ZMYND11: variants seen among roughly 807,000 people sequenced by gnomAD.
The protein encoded by ZMYND11 is zinc finger MYND-type containing 11, also known as zinc finger MYND domain-containing protein 11.
ZMYND11 carries 9 observed loss-of-function variants against 84.9 expected under a neutral mutation model. That is an observed-to-expected ratio of 0.11 (90% CI 0.06 to 0.18). The LOEUF (loss-of-function observed/expected upper bound fraction) is 0.18, where lower values mean the gene tolerates loss of function less well. Among genes scored for constraint, ZMYND11 ranks in the 10% least tolerant of loss-of-function variants. ZMYND11 has a pLI of 1.00. For synonymous variants in ZMYND11, 250 were observed against 244.1 expected, an observed-to-expected ratio of 1.02 and a Z score of -0.23; for missense variants, 409 against 761.0, an observed-to-expected ratio of 0.54 and a Z score of 5.44.
intron 1 of ZMYND11, among the ~76,000 whole-genome samples, chr10:152,454 C>G (rs1554757348): frequency 6.6e-6 from 1 of 152,098 alleles, no homozygotes. Flanking sequence ...CAACAAAAAT[C>G]AAAAGAGACA....
chr10:252,262 G>A lies in ZMYND11; in HGVS notation c.1687-86G>A, dbSNP rs956184194. Reference sequence around the variant, plus strand: ...GTTGAGCCAGAAAGATCTTTTAAAAGCACCACCTCAAGAGTTTGCCATTTT... The same window carrying A: ...GTTGAGCCAGAAAGATCTTTTAAAAACACCACCTCAAGAGTTTGCCATTTT... On this transcript the variant is annotated intron_variant, in intron 14 of 14. Coordinates refer to ENST00000381604, the MANE Select transcript of ZMYND11 (RefSeq NM_001370100.5). This position sits in a 1 kb window ranked among gnomAD's most constrained non-coding sequence, Gnocchi z 4.6. The A allele has an allele frequency of 1.6e-5, 23 of 1,481,030 alleles. No individual in the cohort carries two copies. The Admixed American group carries it at 3.5e-4, about 22-fold the overall frequency. The allele number at this position is 1,481,030 out of a possible 1,614,324, so 91.7% of individuals were successfully genotyped here.
chr10:168,158 A>C (rs1430685563), intron 1 of ZMYND11, among the ~76,000 whole-genome samples: 1 of 152,130 alleles, frequency 6.6e-6, no homozygotes, highest in Non-Finnish European at 1.5e-5. Context: ...GGCAGACAAT[A>C]CTACATATGC....
chr10:194,981 C>T (rs1941387224), intron 2 of ZMYND11, among the ~76,000 whole-genome samples: 1 of 152,138 alleles, frequency 6.6e-6, no homozygotes, highest in South Asian at 2.1e-4. Flanking sequence ...CCACATTTAG[C>T]TGTATTGTTT....
chr10:239,408 T>C lies in ZMYND11; in HGVS notation c.610-30T>C, dbSNP rs369516464. On this transcript the variant is annotated intron_variant, in intron 6 of 14. Coordinates refer to ENST00000381604, the MANE Select transcript of ZMYND11 (RefSeq NM_001370100.5). ...GACAAGTATTTTTACTGGTAACTCT[T>C]TTCGTCATTCTGTTTTTTGCCCTCT... 5.7e-6 allele frequency: 9 copies of C among 1,589,240 alleles called. No individual in the cohort carries two copies. The African/African-American group carries it at 1.2e-4, about 21-fold the overall frequency.
chr10:234,697 C>G (rs1413448228), intron 4 of ZMYND11, among the ~76,000 whole-genome samples: 1 of 149,214 alleles, frequency 6.7e-6, no homozygotes, highest in Non-Finnish European at 1.5e-5. Flanking sequence ...TGTTTTTATT[C>G]TCCTTTTAAG....
chr10:218,093 T>TA (rs1330290046), intron 3 of ZMYND11, among the ~76,000 whole-genome samples: 1 of 152,230 alleles, frequency 6.6e-6, no homozygotes, highest in Non-Finnish European at 1.5e-5. Flanking sequence ...ATTCATGTCT[T>TA]ACGCAAGTTT....
chr10:138,988 G>T (rs1309257228), intron 1 of ZMYND11, among the ~76,000 whole-genome samples: 1 of 152,062 alleles, frequency 6.6e-6, no homozygotes, highest in Non-Finnish European at 1.5e-5. Context: ...GCCCGCCACT[G>T]TGCCTGGCTA....
chr10:137,369 C>T (rs1836354140), intron 1 of ZMYND11, among the ~76,000 whole-genome samples: 1 of 152,230 alleles, frequency 6.6e-6, no homozygotes, highest in South Asian at 2.1e-4. Flanking sequence ...AGCCCTTGGT[C>T]CTCCTCACTT....
intron 14 of ZMYND11, among the ~76,000 whole-genome samples, chr10:250,570 A>T (rs1476658269): frequency 6.6e-6 from 1 of 152,228 alleles, no homozygotes; most frequent in African/African-American, 2.4e-5. Context: ...GGCTATAATT[A>T]TAATACTGTC....
At chr10:173,528 T>C (rs1458497982) in intron 1 of ZMYND11, among the ~76,000 whole-genome samples, 1 of 151,964 alleles carries the variant, frequency 6.6e-6, no homozygotes, top group Non-Finnish European at 1.5e-5. Flanking sequence ...CCAACCTGGG[T>C]AACATAGCAT....
intron 2 of ZMYND11, among the ~76,000 whole-genome samples, chr10:200,906 A>G (rs954787952): frequency 2.0e-5 from 3 of 152,150 alleles, no homozygotes; most frequent in African/African-American, 7.2e-5. Context: ...AATTTACAAA[A>G]TGGAAATTAG....
chr10:229,945 AG>A (rs1350723005), intron 4 of ZMYND11, among the ~76,000 whole-genome samples: 1 of 152,206 alleles, frequency 6.6e-6, no homozygotes, highest in East Asian at 1.9e-4. Flanking sequence ...ATTTTTAAAA[AG>A]CTCCTAGATC....
intron 1 of ZMYND11, among the ~76,000 whole-genome samples, chr10:149,229 C>T (rs1180494408): frequency 2.0e-5 from 3 of 151,810 alleles, no homozygotes; most frequent in Non-Finnish European, 4.4e-5. Context: ...CCCTTTGGAT[C>T]TCCATCCCTG....
chr10:234,521 A>G (rs555930114), intron 4 of ZMYND11, among the ~76,000 whole-genome samples: 55 of 152,378 alleles, frequency 3.6e-4, no homozygotes, highest in African/African-American at 1.3e-3. Flanking sequence ...TAAAGGAACT[A>G]TAACCCCACT....
intron 4 of ZMYND11, among the ~76,000 whole-genome samples, chr10:221,929 T>C (rs1257903203): frequency 2.0e-5 from 3 of 152,174 alleles, no homozygotes; most frequent in Admixed American, 2.0e-4. Context: ...AAAAGGTACT[T>C]TCCACAATTA....
chr10:188,136 A>G (rs1028350271), intron 2 of ZMYND11, among the ~76,000 whole-genome samples: 1 of 152,162 alleles, frequency 6.6e-6, no homozygotes, highest in African/African-American at 2.4e-5. Context: ...TAAACTTTTG[A>G]AAGTTATTTA....
chr10:158,984 GT>G (rs376931420), intron 1 of ZMYND11, among the ~76,000 whole-genome samples: 2 of 40,056 alleles, frequency 5.0e-5, no homozygotes, highest in Admixed American at 3.2e-4. Context: ...AGGGTTTTTT[GT>G]TTTTTGTTTT....
chr10:234,408 A>ATG, intron 4 of ZMYND11, among the ~76,000 whole-genome samples: 1 of 152,362 alleles, frequency 6.6e-6, no homozygotes, highest in East Asian at 1.9e-4. Context: ...CCTTGTTGAA[A>ATG]TGATGGAAGG....
intron 6 of ZMYND11, 69 bp downstream of exon 6, chr10:237,746 G>T: frequency 8.1e-7 from 1 of 1,242,164 alleles, no homozygotes; most frequent in South Asian, 1.5e-5. Context: ...GAATAATGTA[G>T]CAGTTAAGCA....
Sources: allele counts gnomAD v4.1 joint callset (sites outside exome capture counted in the v4.1 genomes callset), GRCh38; gene constraint gnomAD v4.1.1; non-coding constraint Gnocchi (gnomAD v3.1); transcripts MANE v1.5; gene names NCBI Gene and HGNC (gene_info 2026-07-23, HGNC 2026-07-21).